HS3ST4: variants seen among roughly 807,000 people sequenced by gnomAD.
The protein encoded by HS3ST4 is heparan sulfate glucosamine 3-O-sulfotransferase 4.
In HS3ST4, 17 loss-of-function variants were observed where a neutral mutation model predicts 29.2. The observed-to-expected ratio is 0.58, with a 90% CI of 0.40 to 0.87. HS3ST4 has a LOEUF of 0.87. Ranked by LOEUF, HS3ST4 falls within the 40% of genes least tolerant of loss-of-function variation. The pLI, the probability that HS3ST4 is intolerant of heterozygous loss-of-function variation, is 0.00. For synonymous variants in HS3ST4, 314 were observed against 285.7 expected, an observed-to-expected ratio of 1.10 and a Z score of -1.00; for missense variants, 627 against 634.5, an observed-to-expected ratio of 0.99 and a Z score of 0.13.
chr16:26,051,905 C>A (rs147361854), intron 1 of HS3ST4, among the ~76,000 whole-genome samples: 5,985 of 128,818 alleles, frequency 0.046, 411 homozygotes, highest in East Asian at 0.24. Flanking sequence ...TCCCTCCCTC[C>A]CTCCCTCCCT....
At chr16:26,093,253 G>A (rs543956349) in intron 1 of HS3ST4, among the ~76,000 whole-genome samples, 3 of 152,312 alleles carry the variant, frequency 2.0e-5, no homozygotes, top group East Asian at 1.9e-4. Flanking sequence ...CCAACATGGC[G>A]TTTGAGCACT....
At chr16:25,773,976 C>A (rs1400409515) in intron 1 of HS3ST4, among the ~76,000 whole-genome samples, 2 of 152,122 alleles carry the variant, frequency 1.3e-5, no homozygotes, top group Admixed American at 6.5e-5. Context: ...AGACTTGTTG[C>A]AATTGGTTGT....
chr16:26,049,731 G>A (rs964420047), intron 1 of HS3ST4, among the ~76,000 whole-genome samples: 2 of 152,084 alleles, frequency 1.3e-5, no homozygotes. Flanking sequence ...AAGCCCCAGG[G>A]CATTTTACCT....
intron 1 of HS3ST4, among the ~76,000 whole-genome samples, chr16:25,834,591 C>T (rs1157529087): frequency 2.0e-5 from 3 of 152,070 alleles, no homozygotes; most frequent in Non-Finnish European, 4.4e-5. Context: ...TAAAAATATA[C>T]AAAACATGCT....
At chr16:25,919,352 C>T (rs577525783) in intron 1 of HS3ST4, among the ~76,000 whole-genome samples, 10 of 152,016 alleles carry the variant, frequency 6.6e-5, no homozygotes, top group African/African-American at 1.4e-4. Flanking sequence ...TAGAAGTTAC[C>T]GTTATAGGAA....
intron 1 of HS3ST4, among the ~76,000 whole-genome samples, chr16:26,081,528 G>A (rs1449736868): frequency 6.6e-6 from 1 of 152,184 alleles, no homozygotes; most frequent in African/African-American, 2.4e-5. Context: ...TTCAAATCCT[G>A]TGCAGTCTGT....
At chr16:26,000,077 A>G (rs1969200056) in intron 1 of HS3ST4, among the ~76,000 whole-genome samples, 1 of 151,542 alleles carries the variant, frequency 6.6e-6, no homozygotes, top group Non-Finnish European at 1.5e-5. Flanking sequence ...CTGAGCCTTC[A>G]GCAACACAGA....
Position 25,692,475 on chromosome 16 carries a change from C to CG in HS3ST4, c.58_59insG (p.Pro20ArgfsTer9). ...GCCTCCGCCTCCACCTCTGGCCGCG[C>CG]CGCCGCCGCCCGGCGCCTCTGCTAA... is the stretch of plus-strand genomic sequence containing the variant. On this transcript the variant is annotated frameshift_variant, in exon 1 of 2. Coordinates refer to ENST00000331351, the MANE Select transcript of HS3ST4 (RefSeq NM_006040.3). LOFTEE classifies it high-confidence loss of function. 1 of 1,363,184 alleles carries CG rather than the reference C, an allele frequency of 7.3e-7. No homozygotes were observed. Among genetic ancestry groups the CG allele is most frequent in the Non-Finnish European group, 9.6e-7 (1 of 1,044,196 alleles). The allele number at this position is 1,363,184 out of a possible 1,614,324, so 84.4% of individuals were successfully genotyped here. A position where few individuals can be genotyped will look rare whatever the true frequency, so the allele number is the denominator to read the frequency against.
chr16:25,904,867 T>A (rs1451103534), intron 1 of HS3ST4, among the ~76,000 whole-genome samples: 1 of 152,226 alleles, frequency 6.6e-6, no homozygotes, highest in Non-Finnish European at 1.5e-5. Flanking sequence ...TGAAGCATTT[T>A]GGACAGCGCC....
chr16:26,054,621 A>G (rs781310140), intron 1 of HS3ST4, among the ~76,000 whole-genome samples: 3 of 152,202 alleles, frequency 2.0e-5, no homozygotes, highest in Non-Finnish European at 2.9e-5. Context: ...ATGGAAAGAT[A>G]AGAACTGGGT....
chr16:25,953,456 G>A (rs557196368), intron 1 of HS3ST4, among the ~76,000 whole-genome samples: 1 of 152,278 alleles, frequency 6.6e-6, no homozygotes, highest in African/African-American at 2.4e-5. Flanking sequence ...ACATCTTCTA[G>A]CATCCTTTGC....
intron 1 of HS3ST4, among the ~76,000 whole-genome samples, chr16:25,705,203 G>T (rs1966367320): frequency 6.6e-6 from 1 of 152,180 alleles, no homozygotes; most frequent in Non-Finnish European, 1.5e-5. Context: ...CCCCCTGTTT[G>T]ACTTTTGTTA....
chr16:25,777,446 T>C (rs867174368), intron 1 of HS3ST4, among the ~76,000 whole-genome samples: 286 of 144,136 alleles, frequency 2.0e-3, no homozygotes, highest in African/African-American at 5.7e-3. Flanking sequence ...TGTGTGTGTG[T>C]GCACGTCCGT....
intron 1 of HS3ST4, among the ~76,000 whole-genome samples, chr16:25,941,992 A>G (rs1227750387): frequency 2.0e-5 from 3 of 152,180 alleles, no homozygotes; most frequent in East Asian, 1.9e-4. Context: ...CTCATTCAAT[A>G]TTTGTTTAAT....
chr16:25,715,118 C>T (rs916472363), intron 1 of HS3ST4, among the ~76,000 whole-genome samples: 28 of 151,716 alleles, frequency 1.8e-4, no homozygotes, highest in East Asian at 7.8e-4. Flanking sequence ...GTCAGGAGAT[C>T]GAGACCATCC....
At chr16:26,049,039 T>C (rs1846005452) in intron 1 of HS3ST4, among the ~76,000 whole-genome samples, 1 of 152,108 alleles carries the variant, frequency 6.6e-6, no homozygotes, top group African/African-American at 2.4e-5. Flanking sequence ...GACTACTCTT[T>C]TGTTTTCACC....
intron 1 of HS3ST4, among the ~76,000 whole-genome samples, chr16:25,766,578 A>G (rs527795791): frequency 1.3e-5 from 2 of 152,208 alleles, no homozygotes; most frequent in Non-Finnish European, 2.9e-5. Flanking sequence ...TATTTCATCT[A>G]TTAGTCATCT....
intron 1 of HS3ST4, among the ~76,000 whole-genome samples, chr16:25,857,721 C>G (rs1967587703): frequency 6.6e-6 from 1 of 152,052 alleles, no homozygotes; most frequent in Non-Finnish European, 1.5e-5. Flanking sequence ...GGTATTTTTA[C>G]TTTTTACACT....
intron 1 of HS3ST4, among the ~76,000 whole-genome samples, chr16:26,129,300 A>G (rs957091045): frequency 2.0e-5 from 3 of 152,204 alleles, no homozygotes; most frequent in Non-Finnish European, 2.9e-5. Context: ...TTTGCCACCT[A>G]CAAGTGACCT....
Sources: gnomAD v4.1 joint callset for allele counts (sites outside exome capture counted in the v4.1 genomes callset) on GRCh38, gnomAD v4.1.1 for gene constraint, MANE v1.5 for transcripts, NCBI Gene and HGNC (gene_info 2026-07-23, HGNC 2026-07-21) for gene names.